Variants in CDH4 observed in about 807,000 individuals in gnomAD.
The protein encoded by CDH4 is cadherin-4.
CDH4 carries 33 observed loss-of-function variants against 86.0 expected under a neutral mutation model. That is an observed-to-expected ratio of 0.38 (90% CI 0.29 to 0.51). The LOEUF (loss-of-function observed/expected upper bound fraction) is 0.51. Ranked by LOEUF, CDH4 falls within the 20% of genes least tolerant of loss-of-function variation. CDH4 has a pLI of 0.86. For synonymous variants in CDH4, 555 were observed against 549.4 expected (o/e 1.01, Z -0.14); for missense variants, 1,114 against 1,307.4 (o/e 0.85, Z 2.28).
intron 4 of CDH4, among the ~76,000 whole-genome samples, chr20:61,821,238 A>T (rs1981014033): frequency 8.6e-6 from 1 of 116,798 alleles, no homozygotes; most frequent in Non-Finnish European, 1.7e-5. Flanking sequence ...CCCAGCCCAG[A>T]TCCCACTGCT....
In CDH4 at chr20:61,544,856, G is replaced by C. The variant is rs181653627; in HGVS notation, c.170-198707G>C. Among the ~76,000 whole-genome samples, 290 of 152,266 alleles carry C rather than the reference G, an allele frequency of 1.9e-3. No homozygotes were observed. Among genetic ancestry groups the C allele is most frequent in the Non-Finnish European group, 3.7e-3 (252 of 68,034 alleles). ...TTATAAAACTTGAGCTTTTAATTGA[G>C]GGGAGGGGGGATGCACTAGGGGGTC... On this transcript the variant is annotated intron_variant, in intron 2 of 15. Transcript: ENST00000614565. The surrounding 1 kb of genome is among the most constrained non-coding windows in gnomAD (Gnocchi z 6.5).
intron 2 of CDH4, among the ~76,000 whole-genome samples, chr20:61,291,582 G>A (rs948911982): frequency 6.6e-6 from 1 of 152,194 alleles, no homozygotes; most frequent in Admixed American, 6.5e-5. Context: ...AAAGACTGCC[G>A]GTCGGCAGGA....
chr20:61,375,756 G>GTA, intron 2 of CDH4, among the ~76,000 whole-genome samples: 1 of 145,552 alleles, frequency 6.9e-6, no homozygotes, highest in African/African-American at 2.5e-5. Flanking sequence ...TGGTGATGAT[G>GTA]GTGGTGCTGG....
In CDH4 at chr20:61,928,352, G is replaced by A. The variant is rs762450447; in HGVS notation, c.1934G>A (p.Gly645Asp). ...GACGCTGACGTCGACCCCAACATCG[G>A]CCCCTACGTCTTCGAGCTGCCCTTT... ...AADADVDPNI[G>D]PYVFELPFVP... Residue 645 changes from glycine (G) to aspartate (D), a missense_variant, in exon 12 of 16, where the codon GGC becomes GAC. This residue lies in a region of CDH4 where 705 missense variants were observed against 914.1 expected (regional missense o/e 0.77). Transcript: ENST00000614565. 2.5e-5 allele frequency: 40 copies of A among 1,611,434 alleles called. No homozygotes were observed. The highest frequency in any genetic ancestry group is 3.4e-5 in the Non-Finnish European group (40 of 1,180,002).
rs531671682 is a variant in CDH4, at chr20:61,922,100, C to T, written c.1375-1351C>T. ...TGCAGATGTACTGCAGGCTGTGCAG[C>T]CCACCATTGCTGATGGATGTTTGGG... On this transcript the variant is annotated intron_variant, in intron 9 of 15. Transcript: ENST00000614565. Among the ~76,000 whole-genome samples, 142 of 152,334 alleles carry T rather than the reference C, an allele frequency of 9.3e-4. 5 individuals are homozygous for T. The South Asian group carries it at 0.029, about 31-fold the overall frequency.
In CDH4 at chr20:61,529,887, G is replaced by C. The variant is rs748946316; in HGVS notation, c.170-213676G>C. ...GAGTCTCGCTATGTCACCCAGGCTA[G>C]AGTGCAGTGCCACAATCTTGACTCA... On this transcript the variant is annotated intron_variant, in intron 2 of 15. Coordinates refer to ENST00000614565, the MANE Select transcript of CDH4 (RefSeq NM_001794.5). Among the ~76,000 whole-genome samples, 48 of 152,108 alleles carry C rather than the reference G, an allele frequency of 3.2e-4. 1 individual carries two copies. The highest frequency in any genetic ancestry group is 7.3e-5 in the Non-Finnish European group (5 of 68,032).
intron 2 of CDH4, chr20:61,719,399 G>A: frequency 3.4e-6 from 1 of 293,566 alleles, no homozygotes; most frequent in Non-Finnish European, 7.1e-6. Flanking sequence ...GGAAGAGCAT[G>A]TAATGTGCAA....
At chr20:61,775,974 G>T (rs2088837145) in intron 4 of CDH4, among the ~76,000 whole-genome samples, 1 of 152,096 alleles carries the variant, frequency 6.6e-6, no homozygotes, top group South Asian at 2.1e-4. Context: ...GCTGTGTGTG[G>T]CCCCACACAC....
intron 2 of CDH4, among the ~76,000 whole-genome samples, chr20:61,649,813 C>T (rs1411068289): frequency 6.6e-6 from 1 of 152,226 alleles, no homozygotes; most frequent in South Asian, 2.1e-4. Flanking sequence ...GCCCTGGACT[C>T]ACTCGTTATT....
chr20:61,405,074 A>T (rs548499933), intron 2 of CDH4, among the ~76,000 whole-genome samples: 1 of 152,258 alleles, frequency 6.6e-6, no homozygotes, highest in Admixed American at 6.5e-5. Flanking sequence ...CCTTATTTCT[A>T]CTGGGGTTAT....
intron 2 of CDH4, among the ~76,000 whole-genome samples, chr20:61,463,112 CTT>C (rs1000247313): frequency 1.4e-4 from 21 of 152,322 alleles, no homozygotes; most frequent in African/African-American, 4.8e-4. Context: ...CAAACTCTCT[CTT>C]GCCTGCTGCC....
At chr20:61,679,803 A>G (rs1035512404) in intron 2 of CDH4, among the ~76,000 whole-genome samples, 3 of 152,198 alleles carry the variant, frequency 2.0e-5, no homozygotes, top group Admixed American at 1.3e-4. Flanking sequence ...AGAAACCTGG[A>G]CCACATGCTA....
chr20:61,806,163 A>G (rs1005600745), intron 4 of CDH4, among the ~76,000 whole-genome samples: 1 of 152,260 alleles, frequency 6.6e-6, no homozygotes, highest in East Asian at 1.9e-4. Context: ...TCTGTAGGAC[A>G]GTGCGGCAGT....
chr20:61,373,727 A>G (rs73134340), intron 2 of CDH4, among the ~76,000 whole-genome samples: 4,348 of 152,300 alleles, frequency 0.029, 76 homozygotes, highest in Non-Finnish European at 0.04. Flanking sequence ...AGGAATCACA[A>G]TAATGTGCCT....
intron 2 of CDH4, among the ~76,000 whole-genome samples, chr20:61,337,630 T>C (rs1315178162): frequency 6.6e-6 from 1 of 152,148 alleles, no homozygotes; most frequent in Non-Finnish European, 1.5e-5. Flanking sequence ...CATGTGTCCA[T>C]TTCCAAAGCC....
At chr20:61,732,834 C>T (rs2088209812) in intron 2 of CDH4, among the ~76,000 whole-genome samples, 1 of 152,228 alleles carries the variant, frequency 6.6e-6, no homozygotes, top group Non-Finnish European at 1.5e-5. Flanking sequence ...CCCCCCACCC[C>T]ATGTCCCTGT....
chr20:61,806,565 CCACGCGCACGCACACACACATGCA>C (rs1980141797), intron 4 of CDH4, among the ~76,000 whole-genome samples: 1 of 115,050 alleles, frequency 8.7e-6, no homozygotes, highest in African/African-American at 3.1e-5. Flanking sequence ...ACACACATGT[CCACGCGCACGCACACACACATGCA>C]GTACCATCGG....
intron 2 of CDH4, among the ~76,000 whole-genome samples, chr20:61,675,756 G>C (rs373470007): frequency 2.6e-5 from 3 of 115,916 alleles, no homozygotes; most frequent in Non-Finnish European, 5.3e-5. Context: ...AAGCACTCCC[G>C]TGGAAACAAC....
chr20:61,566,773 C>T (rs547166136), intron 2 of CDH4, among the ~76,000 whole-genome samples: 33 of 152,232 alleles, frequency 2.2e-4, no homozygotes, highest in African/African-American at 3.4e-4. Context: ...CCGATTCTAC[C>T]GGGAGAAAGG....
Sources: allele counts gnomAD v4.1 joint callset (sites outside exome capture counted in the v4.1 genomes callset), GRCh38; gene constraint gnomAD v4.1.1; regional missense constraint gnomAD v4.1.1; non-coding constraint Gnocchi (gnomAD v3.1); transcripts MANE v1.5; gene names NCBI Gene and HGNC (gene_info 2026-07-23, HGNC 2026-07-21).